The following CFI variants were observed in gnomAD, a reference collection of about 807,000 sequenced individuals.
CFI encodes the protein complement factor I.
CFI carries 66 observed loss-of-function variants against 78.8 expected under a neutral mutation model. That is an observed-to-expected ratio of 0.84 (90% CI 0.69 to 1.03). CFI has a LOEUF of 1.03. CFI is among the 50% of genes least tolerant of loss of function. The pLI is 0.00. For synonymous variants in CFI, 250 were observed against 232.6 expected, an observed-to-expected ratio of 1.07 and a Z score of -0.68; for missense variants, 706 against 704.5, an observed-to-expected ratio of 1.00 and a Z score of -0.02.
At chr4:109,758,954 G>A (rs1007535626) in intron 6 of CFI, among the ~76,000 whole-genome samples, 49 of 152,170 alleles carry the variant, frequency 3.2e-4, no homozygotes, top group African/African-American at 1.0e-3. Context: ...TTAGCCAAGC[G>A]TGATGGCACA....
intron 1 of CFI, among the ~76,000 whole-genome samples, chr4:109,792,854 C>T (rs972115433): frequency 1.3e-5 from 2 of 151,980 alleles, no homozygotes; most frequent in African/African-American, 2.4e-5. Context: ...TTTCTTTGGA[C>T]CTAAAGGCAG....
chr4:109,752,337 ATGTTATATTTTTTAATTTAAAT>A, intron 8 of CFI, 109 bp downstream of exon 8: 1 of 767,234 alleles, frequency 1.3e-6, no homozygotes, highest in South Asian at 1.7e-5. Context: ...GAGAATAATA[ATGTTATATTTTTTAATTTAAAT>A]TGATACCAAA....
At chr4:109,746,000 G>T (rs1413618889) in intron 11 of CFI, among the ~76,000 whole-genome samples, 1 of 152,166 alleles carries the variant, frequency 6.6e-6, no homozygotes, top group East Asian at 1.9e-4. Flanking sequence ...TTTCATGCTG[G>T]TGACAACACA....
At chr4:109,797,357 G>A (rs1287262015) in intron 1 of CFI, among the ~76,000 whole-genome samples, 1 of 152,160 alleles carries the variant, frequency 6.6e-6, no homozygotes, top group Non-Finnish European at 1.5e-5. Flanking sequence ...GTGGTAATGG[G>A]AAAACTGGAA....
intron 10 of CFI, among the ~76,000 whole-genome samples, chr4:109,747,564 T>C (rs151013755): frequency 2.2e-4 from 34 of 152,314 alleles, no homozygotes; most frequent in African/African-American, 7.0e-4. Flanking sequence ...TTAGTTTTTT[T>C]GGTTTGATTA....
At chr4:109,797,323 G>C (rs1732179428) in intron 1 of CFI, among the ~76,000 whole-genome samples, 1 of 152,102 alleles carries the variant, frequency 6.6e-6, no homozygotes, top group Admixed American at 6.6e-5. Flanking sequence ...ATATATAATG[G>C]GTGAAGAATA....
At chr4:109,780,193 A>G (rs1206858876) in intron 1 of CFI, among the ~76,000 whole-genome samples, 3 of 152,170 alleles carry the variant, frequency 2.0e-5, no homozygotes, top group South Asian at 2.1e-4. Flanking sequence ...AGAAACTACC[A>G]TCAGAGTGAA....
intron 1 of CFI, among the ~76,000 whole-genome samples, chr4:109,791,590 T>C (rs1288051707): frequency 1.3e-5 from 2 of 152,206 alleles, no homozygotes; most frequent in Non-Finnish European, 2.9e-5. Context: ...CATTTAATTC[T>C]TTAATCTATC....
At chr4:109,799,137 T>A (rs935001075) in intron 1 of CFI, among the ~76,000 whole-genome samples, 2 of 152,168 alleles carry the variant, frequency 1.3e-5, no homozygotes, top group South Asian at 4.1e-4. Flanking sequence ...AACTCCCCAA[T>A]ACACACAGGC....
intron 1 of CFI, among the ~76,000 whole-genome samples, chr4:109,789,938 G>A (rs553107653): frequency 8.2e-4 from 125 of 152,068 alleles, no homozygotes; most frequent in African/African-American, 2.7e-3. Flanking sequence ...AAGCCATCTG[G>A]TTACAGATAT....
In CFI at chr4:109,766,690, C is replaced by A. The variant is rs571265769; in HGVS notation, c.192G>T (p.Pro64=). Residue 64 remains proline, a synonymous_variant, in exon 2 of 13, where the codon CCG becomes CCT. Coordinates refer to ENST00000394634, the MANE Select transcript of CFI (RefSeq NM_000204.5). ...CIEGTCVCKL[P]YQCPKNGTAV... ...CAGTGCCATTCTTTGGGCACTGATA[C>A]GGTAGTTTACAAACACAGGTGCCCT... 1.9e-6 allele frequency: 3 copies of A among 1,614,116 alleles called. No homozygotes were observed. In the South Asian group the frequency reaches 3.3e-5, roughly 18 times the overall value.
chr4:109,756,098 A>G (rs1483487122), intron 7 of CFI, among the ~76,000 whole-genome samples: 1 of 152,208 alleles, frequency 6.6e-6, no homozygotes, highest in South Asian at 2.1e-4. Context: ...ATAAGAATGC[A>G]TGCAAACAAA....
intron 1 of CFI, among the ~76,000 whole-genome samples, chr4:109,774,510 A>T (rs1728976214): frequency 6.6e-6 from 1 of 152,126 alleles, no homozygotes; most frequent in Non-Finnish European, 1.5e-5. Flanking sequence ...CAAAGGGGCC[A>T]GTGTGGGTGG....
At chr4:109,731,169 A>AC in the CFI span, among the ~76,000 whole-genome samples, 21 of 152,026 alleles carry the variant, frequency 1.4e-4, no homozygotes, top group Non-Finnish European at 2.6e-4. Context: ...ACATGGTGAA[A>AC]CCCCATCTCT....
chr4:109,771,993 C>T (rs1728663578), intron 1 of CFI, among the ~76,000 whole-genome samples: 1 of 152,092 alleles, frequency 6.6e-6, no homozygotes, highest in Non-Finnish European at 1.5e-5. Context: ...GTGAAGTTCA[C>T]CTTAGAAATT....
intron 7 of CFI, among the ~76,000 whole-genome samples, chr4:109,755,167 A>G (rs1725971027): frequency 6.6e-6 from 1 of 152,218 alleles, no homozygotes; most frequent in African/African-American, 2.4e-5. Flanking sequence ...TGAAACTAAA[A>G]AGCTAGTATG....
chr4:109,741,169 A>G (rs1358145607), intron 12 of CFI, 59 bp from the exon 13 acceptor site: 14 of 1,611,580 alleles, frequency 8.7e-6, no homozygotes, highest in Non-Finnish European at 1.2e-5. Flanking sequence ...CAAGGCTGCC[A>G]TGCCTCCTCC....
At chr4:109,801,785 T>C in intron 1 of CFI, 130 bp downstream of exon 1, 1 of 637,290 alleles carries the variant, frequency 1.6e-6, no homozygotes, top group South Asian at 2.2e-5. Flanking sequence ...TTGCTGACTA[T>C]AGAGTGGCAT....
At position 109,749,243 on chromosome 4, in the gene CFI, T is replaced by TA. The variant is rs1453946169; in HGVS notation, c.1122_1123insT (p.Ile375TyrfsTer12). ...CTGAGACAATGTGCAGCAGTCAGAA[T>TA]CCAACAGCCACCAATATAAATTCCC... is the stretch of plus-strand genomic sequence containing the variant. On this transcript the variant is annotated frameshift_variant, in exon 10 of 13. Transcript: ENST00000394634. LOFTEE classifies it high-confidence loss of function. 1.9e-6 allele frequency: 3 copies of TA among 1,614,144 alleles called. No individual in the cohort carries two copies. Among genetic ancestry groups the TA allele is most frequent in the Non-Finnish European group, 2.5e-6 (3 of 1,179,998 alleles).
Sources: gnomAD v4.1 joint callset for allele counts (sites outside exome capture counted in the v4.1 genomes callset) on GRCh38, gnomAD v4.1.1 for gene constraint, MANE v1.5 for transcripts, NCBI Gene and HGNC (gene_info 2026-07-23, HGNC 2026-07-21) for gene names.